Variants in SH2D4A observed in about 807,000 individuals in gnomAD.
The protein encoded by SH2D4A is SH2 domain-containing protein 4A.
Under a neutral mutation model 64.7 loss-of-function variants are expected in SH2D4A, and 70 were observed. The observed-to-expected ratio is 1.08, with a 90% CI of 0.89 to 1.32. The LOEUF (loss-of-function observed/expected upper bound fraction) is 1.32. Among genes scored for constraint, SH2D4A ranks in the 40% most tolerant of loss-of-function variants. The probability of loss-of-function intolerance (pLI) is 0.00; values close to 1 mark genes in which losing one functional copy is unlikely to be tolerated. For missense variants in SH2D4A, 706 were observed against 540.1 expected (o/e 1.31, Z -3.04); for synonymous variants, 268 against 200.7 (o/e 1.34, Z -2.83).
chr8:19,384,465 T>G (rs986367179), intron 8 of SH2D4A, among the ~76,000 whole-genome samples: 1 of 152,248 alleles, frequency 6.6e-6, no homozygotes, highest in Admixed American at 6.5e-5. Flanking sequence ...GAACACCCAT[T>G]TTTTCAGTTC....
intron 4 of SH2D4A, among the ~76,000 whole-genome samples, chr8:19,350,490 G>A (rs533424885): frequency 5.3e-5 from 8 of 152,238 alleles, no homozygotes; most frequent in African/African-American, 1.9e-4. Context: ...TTATTGTTTT[G>A]TTTTGTTTTT....
chr8:19,314,073 T>G, intron 1 of SH2D4A: 9 of 1,022,378 alleles, frequency 8.8e-6, no homozygotes, highest in East Asian at 8.5e-5. Flanking sequence ...CTGGAGCCGC[T>G]GGCTAGGTGA....
Position 19,326,110 on chromosome 8 carries a change from C to T in SH2D4A, c.181+6382C>T, listed in dbSNP as rs528728758. 3.3e-5 allele frequency among the ~76,000 whole-genome samples: 5 copies of T among 152,338 alleles called. No individual in the cohort carries two copies. The East Asian group carries it at 5.8e-4, about 18-fold the overall frequency. On this transcript the variant is annotated intron_variant, in intron 2 of 9. Transcript: ENST00000265807. ...GTAAGCTGGCCTAAACAAGTTTTGC[C>T]ATCACTCATGCAGAACGGTTTTGAA...
chr8:19,392,811 G>A (rs751412920), intron 8 of SH2D4A, among the ~76,000 whole-genome samples: 8 of 151,664 alleles, frequency 5.3e-5, no homozygotes, highest in South Asian at 4.2e-4. Flanking sequence ...GCATGATCTC[G>A]GCTCACTGCA....
At chr8:19,383,864 T>C (rs2053341140) in intron 8 of SH2D4A, among the ~76,000 whole-genome samples, 1 of 152,194 alleles carries the variant, frequency 6.6e-6, no homozygotes, top group African/African-American at 2.4e-5. Flanking sequence ...AATCACTAGA[T>C]TACCTAGGTT....
In SH2D4A at chr8:19,334,864, C is replaced by A; in HGVS notation, c.513+7C>A. ...GGAAGAAGAGAAAATCCGAGTGAGT[C>A]CTTACTGTCTGTAGACGTGCGGAAT... On this transcript the variant is annotated splice_region_variant and intron_variant, in intron 4 of 9. Transcript: ENST00000265807. The A allele has an allele frequency of 1.2e-6, 2 of 1,601,342 alleles. No homozygotes were observed. The highest frequency in any genetic ancestry group is 2.3e-5 in the South Asian group (2 of 88,470).
At chr8:19,337,687 AC>A (rs1392660634) in intron 4 of SH2D4A, among the ~76,000 whole-genome samples, 11 of 152,206 alleles carry the variant, frequency 7.2e-5, no homozygotes, top group Non-Finnish European at 2.9e-5. Context: ...GGTGAAAGGC[AC>A]GTCTAACATG....
In SH2D4A at chr8:19,393,491, G is replaced by T. The variant is rs142937375; in HGVS notation, c.1222G>T (p.Val408Leu). The T allele has an allele frequency of 6.2e-7, 1 of 1,614,228 alleles. No individual in the cohort carries two copies. Residue 408 changes from valine to leucine, a missense_variant, in exon 9 of 10, where the codon GTG (valine) becomes TTG (leucine). Val to Leu is a conservative substitution (Grantham distance 32, BLOSUM62 1). Transcript: ENST00000265807. ...TGCAGACGCCTACAGCTTCCTGGGCGTGGACCAGCTACAGCATGCCACCTT... is the reference window on the plus strand; with the variant it reads ...TGCAGACGCCTACAGCTTCCTGGGCTTGGACCAGCTACAGCATGCCACCTT... ...ASADAYSFLG[V>L]DQLQHATLAD...
intron 8 of SH2D4A, among the ~76,000 whole-genome samples, chr8:19,378,696 A>G (rs1013176159): frequency 1.3e-5 from 2 of 152,138 alleles, no homozygotes; most frequent in Non-Finnish European, 2.9e-5. Context: ...TCAGCCTGCC[A>G]AATGGCTGGG....
chr8:19,369,798 T>G (rs1460246734), intron 7 of SH2D4A, among the ~76,000 whole-genome samples: 1 of 152,090 alleles, frequency 6.6e-6, no homozygotes, highest in East Asian at 1.9e-4. Context: ...TGCACAGTTC[T>G]GTAGTCTCTA....
intron 2 of SH2D4A, among the ~76,000 whole-genome samples, chr8:19,331,113 G>T (rs2052359116): frequency 6.6e-6 from 1 of 152,204 alleles, no homozygotes; most frequent in Admixed American, 6.5e-5. Context: ...AGAACATACT[G>T]CAGGAGTGTC....
intron 8 of SH2D4A, among the ~76,000 whole-genome samples, chr8:19,388,514 A>G (rs775572877): frequency 4.6e-5 from 7 of 152,196 alleles, no homozygotes; most frequent in East Asian, 1.9e-4. Flanking sequence ...TTTCTCACCA[A>G]TTATTTGAGG....
At chr8:19,316,678 T>C (rs2052094073) in intron 1 of SH2D4A, among the ~76,000 whole-genome samples, 2 of 152,212 alleles carry the variant, frequency 1.3e-5, no homozygotes, top group South Asian at 4.1e-4. Context: ...TGGCTTCCAT[T>C]CTGAAATTTC....
At chr8:19,329,723 C>T (rs2052341008) in intron 2 of SH2D4A, among the ~76,000 whole-genome samples, 1 of 152,216 alleles carries the variant, frequency 6.6e-6, no homozygotes, top group South Asian at 2.1e-4. Context: ...CTTCTGAGAT[C>T]TGAAGGTTTT....
At chr8:19,335,052 G>A (rs1008341518) in intron 4 of SH2D4A, among the ~76,000 whole-genome samples, 195 bp downstream of exon 4, 4 of 152,138 alleles carry the variant, frequency 2.6e-5, no homozygotes, top group African/African-American at 4.8e-5. Context: ...GGGAGGCCAA[G>A]GCGGGCGGAT....
intron 8 of SH2D4A, among the ~76,000 whole-genome samples, chr8:19,389,456 CAGAG>C (rs762194807): frequency 6.6e-6 from 1 of 152,172 alleles, no homozygotes; most frequent in Non-Finnish European, 1.5e-5. Context: ...TTATCACACA[CAGAG>C]AGGAGTGGGA....
chr8:19,355,222 G>A lies in SH2D4A; in HGVS notation c.514-1981G>A, dbSNP rs150778695. Among the ~76,000 whole-genome samples, 6 of 152,062 alleles carry A rather than the reference G, an allele frequency of 3.9e-5. No individual in the cohort carries two copies. The East Asian group carries it at 9.7e-4, about 25-fold the overall frequency. ...ATAAGAAACATCCTTTTTGCAAAAC[G>A]GTGCCCCAAAGATCTTATATCATCA... On this transcript the variant is annotated intron_variant, in intron 4 of 9. Transcript: ENST00000265807.
chr8:19,321,302 C>T lies in SH2D4A; in HGVS notation c.181+1574C>T, dbSNP rs149133311. 5.3e-5 allele frequency among the ~76,000 whole-genome samples: 8 copies of T among 152,244 alleles called. No individual in the cohort carries two copies. The East Asian group carries it at 1.4e-3, about 26-fold the overall frequency. ...AATCTTGGCTCAATGCAACCTTCGT[C>T]TCCCGGGTTCAAGCAATTCTCCTGC... On this transcript the variant is annotated intron_variant, in intron 2 of 9. Transcript: ENST00000265807.
intron 2 of SH2D4A, among the ~76,000 whole-genome samples, chr8:19,328,726 C>T (rs948228885): frequency 6.6e-6 from 1 of 152,198 alleles, no homozygotes; most frequent in Non-Finnish European, 1.5e-5. Context: ...AATATTCGTG[C>T]ATTCTTCATT....
Sources: allele counts gnomAD v4.1 joint callset (sites outside exome capture counted in the v4.1 genomes callset), GRCh38; gene constraint gnomAD v4.1.1; transcripts MANE v1.5; gene names NCBI Gene and HGNC (gene_info 2026-07-23, HGNC 2026-07-21).